Variants in TMEM132C observed in about 807,000 individuals in gnomAD.
The protein encoded by TMEM132C is transmembrane protein 132C, also known as protein phosphatase 1, regulatory subunit 152.
Under a neutral mutation model 61.4 loss-of-function variants are expected in TMEM132C, and 29 were observed. That is an observed-to-expected ratio of 0.47 (90% CI 0.35 to 0.64). The LOEUF (loss-of-function observed/expected upper bound fraction) is 0.64. TMEM132C is among the 30% of genes least tolerant of loss of function. The pLI is 0.00. For missense variants in TMEM132C, 1,408 were observed against 1,476.9 expected, an observed-to-expected ratio of 0.95 and a Z score of 0.76; for synonymous variants, 656 against 633.1, an observed-to-expected ratio of 1.04 and a Z score of -0.54.
Position 128,705,927 on chromosome 12 carries a change from G to A in TMEM132C, c.2959G>A (p.Ala987Thr). The change falls in exon 9 of 9, where the codon GCG (alanine) becomes ACG (threonine). Residue 987 changes from alanine to threonine, a missense_variant. Physicochemically the swap from Ala to Thr is moderately conservative, Grantham distance 58. Transcript: ENST00000435159. ...EAELLESMGD[A>T]PPPQDEHTTI... ...CGAACTCCTGGAGAGCATGGGGGAT[G>A]CGCCGCCGCCCCAGGACGAGCACAC... 1 of 1,551,454 alleles carries A rather than the reference G, an allele frequency of 6.4e-7. No individual in the cohort carries two copies. The highest frequency in any genetic ancestry group is 8.7e-7 in the Non-Finnish European group (1 of 1,146,962).
intron 1 of TMEM132C, among the ~76,000 whole-genome samples, chr12:128,409,552 C>T (rs1868453380): frequency 6.6e-6 from 1 of 152,040 alleles, no homozygotes; most frequent in East Asian, 1.9e-4. Flanking sequence ...AGCTGGAAAC[C>T]CAGAGACTCC....
At chr12:128,585,959 AGATG>A (rs1875530843) in intron 3 of TMEM132C, among the ~76,000 whole-genome samples, 1 of 152,170 alleles carries the variant, frequency 6.6e-6, no homozygotes, top group Admixed American at 6.5e-5. Flanking sequence ...GTTGTTCTGG[AGATG>A]GATGGTGGTG....
chr12:128,371,168 C>T (rs1874017671), intron 1 of TMEM132C, among the ~76,000 whole-genome samples: 1 of 152,140 alleles, frequency 6.6e-6, no homozygotes, highest in African/African-American at 2.4e-5. Flanking sequence ...GGATTGTGTT[C>T]TCATGTGAAC....
intron 3 of TMEM132C, among the ~76,000 whole-genome samples, chr12:128,594,697 C>A (rs2135568952): frequency 6.6e-6 from 1 of 152,296 alleles, no homozygotes; most frequent in Admixed American, 6.5e-5. Flanking sequence ...TTTTCCATTT[C>A]CAGCGTGAAC....
chr12:128,605,917 G>T (rs1876408428), intron 3 of TMEM132C, among the ~76,000 whole-genome samples: 1 of 152,220 alleles, frequency 6.6e-6, no homozygotes, highest in Admixed American at 6.5e-5. Context: ...TCTTCTCTGA[G>T]AATCACTTTG....
intron 2 of TMEM132C, among the ~76,000 whole-genome samples, chr12:128,441,049 A>T (rs1869765989): frequency 2.0e-5 from 3 of 152,202 alleles, no homozygotes; most frequent in South Asian, 4.1e-4. Context: ...CTCAAAACAA[A>T]AAACAAACAA....
At chr12:128,632,613 G>A (rs1329693269) in intron 4 of TMEM132C, among the ~76,000 whole-genome samples, 1 of 152,222 alleles carries the variant, frequency 6.6e-6, no homozygotes, top group Non-Finnish European at 1.5e-5. Flanking sequence ...AAAATGGGAA[G>A]ATAACAGAGT....
intron 2 of TMEM132C, among the ~76,000 whole-genome samples, chr12:128,482,307 G>A (rs1000623434): frequency 3.3e-5 from 5 of 152,178 alleles, no homozygotes; most frequent in African/African-American, 9.7e-5. Flanking sequence ...AAGCACTGGG[G>A]AATTCTAAGT....
At chr12:128,617,558 G>A (rs1282181676) in intron 4 of TMEM132C, among the ~76,000 whole-genome samples, 1 of 152,080 alleles carries the variant, frequency 6.6e-6, no homozygotes, top group Non-Finnish European at 1.5e-5. Flanking sequence ...AGGTGGGACA[G>A]GTGTAGCATC....
intron 2 of TMEM132C, among the ~76,000 whole-genome samples, chr12:128,436,536 CA>C (rs1160974250): frequency 6.6e-6 from 1 of 152,160 alleles, no homozygotes. Flanking sequence ...CCAACAGACA[CA>C]TGAAAAAATG....
chr12:128,573,982 A>G (rs1045042692), intron 3 of TMEM132C, among the ~76,000 whole-genome samples: 8 of 151,864 alleles, frequency 5.3e-5, no homozygotes, highest in Non-Finnish European at 1.2e-4. Context: ...GGTTTCCCCA[A>G]GGAAAACTGG....
intron 2 of TMEM132C, among the ~76,000 whole-genome samples, chr12:128,470,245 A>G (rs1870902320): frequency 6.6e-6 from 1 of 152,160 alleles, no homozygotes; most frequent in Admixed American, 6.5e-5. Context: ...TGGCTTGTCG[A>G]CTTACCATCC....
At chr12:128,638,814 G>A (rs896102441) in intron 4 of TMEM132C, among the ~76,000 whole-genome samples, 18 of 151,958 alleles carry the variant, frequency 1.2e-4, no homozygotes, top group African/African-American at 4.3e-4. Context: ...TTATGATGGT[G>A]CTGATGGTAA....
At chr12:128,498,375 T>TA (rs11296963) in intron 2 of TMEM132C, among the ~76,000 whole-genome samples, 101 of 151,540 alleles carry the variant, frequency 6.7e-4, no homozygotes, top group African/African-American at 2.3e-3. Flanking sequence ...ATGTTCTATA[T>TA]AAAAAAAAAC....
intron 2 of TMEM132C, among the ~76,000 whole-genome samples, chr12:128,515,916 G>A (rs1317490008): frequency 1.3e-5 from 2 of 152,226 alleles, no homozygotes; most frequent in African/African-American, 4.8e-5. Flanking sequence ...ATAATGCAAG[G>A]GTATATTATA....
At chr12:128,505,691 C>A (rs1389388204) in intron 2 of TMEM132C, among the ~76,000 whole-genome samples, 2 of 152,236 alleles carry the variant, frequency 1.3e-5, no homozygotes, top group East Asian at 3.8e-4. Context: ...CTTGACTACT[C>A]CTCTGCTCAG....
At chr12:128,548,697 A>C (rs757443245) in intron 3 of TMEM132C, among the ~76,000 whole-genome samples, 8 of 152,210 alleles carry the variant, frequency 5.3e-5, no homozygotes, top group Non-Finnish European at 1.2e-4. Flanking sequence ...AGTGATTTAC[A>C]ACTACAGTTT....
intron 2 of TMEM132C, among the ~76,000 whole-genome samples, chr12:128,442,635 GC>G (rs1166662174): frequency 2.6e-5 from 4 of 151,526 alleles, no homozygotes; most frequent in African/African-American, 7.3e-5. Flanking sequence ...GGTGACAAAT[GC>G]AATTCACGAT....
Position 128,705,325 on chromosome 12 carries a change from G to A in TMEM132C, c.2357G>A (p.Ser786Asn). Residue 786 changes from serine (S) to asparagine (N), a missense_variant, in exon 9 of 9, where the codon AGC becomes AAC. Physicochemically the swap from Ser to Asn is conservative, Grantham distance 46. Coordinates refer to ENST00000435159, the MANE Select transcript of TMEM132C (RefSeq NM_001136103.3). ...AEACQKSKRK[S>N]ILAVGVGNVR... ...GCCTGCCAGAAATCTAAACGCAAGA[G>A]CATCCTGGCTGTGGGCGTCGGCAAC... The A allele has an allele frequency of 6.4e-7, 1 of 1,551,412 alleles. No individual in the cohort carries two copies.
Sources: allele counts gnomAD v4.1 joint callset (sites outside exome capture counted in the v4.1 genomes callset), GRCh38; gene constraint gnomAD v4.1.1; transcripts MANE v1.5; gene names NCBI Gene and HGNC (gene_info 2026-07-23, HGNC 2026-07-21).